TASP1: variants seen among roughly 807,000 people sequenced by gnomAD.
TASP1 encodes taspase 1.
Under a neutral mutation model 56.6 loss-of-function variants are expected in TASP1, and 16 were observed. The observed-to-expected ratio is 0.28, with a 90% CI of 0.19 to 0.43. The LOEUF is 0.43. Ranked by LOEUF, TASP1 falls within the 20% of genes least tolerant of loss-of-function variation. The pLI, the probability that TASP1 is intolerant of heterozygous loss-of-function variation, is 1.00. For synonymous variants in TASP1, 179 were observed against 184.2 expected, an observed-to-expected ratio of 0.97 and a Z score of 0.23; for missense variants, 393 against 511.6, an observed-to-expected ratio of 0.77 and a Z score of 2.24.
chr20:13,224,693 T>C, the TASP1 span, among the ~76,000 whole-genome samples: 4 of 152,180 alleles, frequency 2.6e-5, no homozygotes, highest in Non-Finnish European at 2.9e-5. Flanking sequence ...TGTATTCACT[T>C]AAAAAGGGAC....
At chr20:13,320,454 T>C in the TASP1 span, among the ~76,000 whole-genome samples, 11 of 152,152 alleles carry the variant, frequency 7.2e-5, no homozygotes, top group Non-Finnish European at 1.5e-4. Flanking sequence ...AACCGAACTC[T>C]GGTTAATTTA....
chr20:13,129,565 G>T, the TASP1 span, among the ~76,000 whole-genome samples: 3 of 152,232 alleles, frequency 2.0e-5, no homozygotes, highest in South Asian at 6.2e-4. Context: ...CTAGGAAAAA[G>T]TTATTCTAGA....
At chr20:13,349,089 C>A in the TASP1 span, among the ~76,000 whole-genome samples, 2 of 152,082 alleles carry the variant, frequency 1.3e-5, no homozygotes, top group African/African-American at 4.8e-5. Context: ...AATGATGGAA[C>A]CTCGATGTCT....
chr20:13,250,503 G>C, the TASP1 span, among the ~76,000 whole-genome samples: 1 of 152,328 alleles, frequency 6.6e-6, no homozygotes, highest in African/African-American at 2.4e-5. Context: ...TGGCAACACA[G>C]TTAAGCATGC....
intron 4 of TASP1, among the ~76,000 whole-genome samples, chr20:13,603,729 A>G (rs775266332): frequency 5.9e-5 from 9 of 152,228 alleles, no homozygotes; most frequent in Non-Finnish European, 1.2e-4. Flanking sequence ...CAAATAACAC[A>G]TGAAAACATG....
chr20:13,627,137 G>A (rs183461520), intron 2 of TASP1, among the ~76,000 whole-genome samples: 113 of 152,140 alleles, frequency 7.4e-4, no homozygotes, highest in Non-Finnish European at 7.1e-4. Flanking sequence ...ATTAAAAAGC[G>A]TTTAGTTGTT....
At chr20:13,458,927 T>G (rs989429829) in intron 11 of TASP1, among the ~76,000 whole-genome samples, 1 of 152,182 alleles carries the variant, frequency 6.6e-6, no homozygotes, top group Non-Finnish European at 1.5e-5. Flanking sequence ...TTTTGGCAAA[T>G]GTAAATGAGG....
At chr20:13,519,485 G>T (rs1028978430) in intron 10 of TASP1, among the ~76,000 whole-genome samples, 1 of 152,126 alleles carries the variant, frequency 6.6e-6, no homozygotes, top group African/African-American at 2.4e-5. Context: ...ATCAATAAAT[G>T]TAATCCAGCA....
At chr20:13,440,092 C>T (rs1469785141) in intron 11 of TASP1, among the ~76,000 whole-genome samples, 2 of 152,124 alleles carry the variant, frequency 1.3e-5, no homozygotes, top group Admixed American at 6.6e-5. Context: ...CATCAGATTT[C>T]TCAACAACAG....
intron 8 of TASP1, among the ~76,000 whole-genome samples, chr20:13,549,051 T>TA (rs1045324618): frequency 6.6e-6 from 1 of 152,076 alleles, no homozygotes; most frequent in Non-Finnish European, 1.5e-5. Flanking sequence ...TACACCAAGC[T>TA]AAAAAAGACC....
chr20:13,314,633 T>G, the TASP1 span, among the ~76,000 whole-genome samples: 1 of 152,026 alleles, frequency 6.6e-6, no homozygotes, highest in Admixed American at 6.6e-5. Context: ...TAAAAGAAAT[T>G]CTTTAAGAAA....
chr20:13,127,060 C>T, the TASP1 span, among the ~76,000 whole-genome samples: 2 of 152,162 alleles, frequency 1.3e-5, no homozygotes, highest in African/African-American at 2.4e-5. Context: ...CTTGTGTTTC[C>T]CTAAGACCAA....
intron 13 of TASP1, among the ~76,000 whole-genome samples, chr20:13,413,193 GA>G (rs958824811): frequency 6.6e-6 from 1 of 152,128 alleles, no homozygotes; most frequent in Non-Finnish European, 1.5e-5. Flanking sequence ...CATTAAAATA[GA>G]AAATGTTAAA....
intron 1 of TASP1, among the ~76,000 whole-genome samples, chr20:13,635,668 G>A (rs1450277175): frequency 6.6e-6 from 1 of 152,124 alleles, no homozygotes; most frequent in African/African-American, 2.4e-5. Context: ...GATTACAGGT[G>A]TAAGCCACCA....
chr20:13,359,518 C>A, the TASP1 span, among the ~76,000 whole-genome samples: 5 of 151,474 alleles, frequency 3.3e-5, no homozygotes, highest in Non-Finnish European at 5.9e-5. Context: ...AAGGTAAGCC[C>A]GTCCCCTTCT....
intron 10 of TASP1, among the ~76,000 whole-genome samples, chr20:13,523,881 C>CCTGT (rs1239028021): frequency 6.6e-6 from 1 of 152,104 alleles, no homozygotes; most frequent in African/African-American, 2.4e-5. Flanking sequence ...CATCAGTACC[C>CCTGT]CTGTACTCAC....
At chr20:13,366,298 T>C in the TASP1 span, among the ~76,000 whole-genome samples, 1 of 152,106 alleles carries the variant, frequency 6.6e-6, no homozygotes, top group Admixed American at 6.5e-5. Context: ...AACCAAGCCC[T>C]GAGACCACCA....
At chr20:13,285,508 T>C in the TASP1 span, among the ~76,000 whole-genome samples, 10 of 152,224 alleles carry the variant, frequency 6.6e-5, no homozygotes, top group African/African-American at 2.2e-4. Flanking sequence ...CTCTCTCCAC[T>C]GGTCCCTCCC....
the TASP1 span, chr20:13,126,805 T>G: frequency 6.6e-6 from 10 of 1,509,296 alleles, no homozygotes; most frequent in Non-Finnish European, 8.9e-6. Flanking sequence ...ATACACACCT[T>G]TATCTTATAG....
Sources: allele counts gnomAD v4.1 joint callset (sites outside exome capture counted in the v4.1 genomes callset), GRCh38; gene constraint gnomAD v4.1.1; transcripts MANE v1.5; gene names NCBI Gene and HGNC (gene_info 2026-07-23, HGNC 2026-07-21).